ZNF487: variants seen among roughly 807,000 people sequenced by gnomAD.
The protein encoded by ZNF487 is zinc finger protein 487.
A neutral mutation model predicts 3.0 loss-of-function variants in ZNF487; 4 were observed. That is an observed-to-expected ratio of 1.35 (90% CI 0.66 to 3.08). The LOEUF (loss-of-function observed/expected upper bound fraction) is 3.08. Among genes scored for constraint, ZNF487 ranks in the 30% most tolerant of loss-of-function variants. The pLI, the probability that ZNF487 is intolerant of heterozygous loss-of-function variation, is 0.01. For missense variants in ZNF487, 146 were observed against 98.7 expected, an observed-to-expected ratio of 1.48 and a Z score of -2.03; for synonymous variants, 55 against 34.6, an observed-to-expected ratio of 1.59 and a Z score of -2.06.
At chr10:43,450,081 T>C (rs1375699070) in intron 1 of ZNF487, among the ~76,000 whole-genome samples, 1 of 152,210 alleles carries the variant, frequency 6.6e-6, no homozygotes, top group Non-Finnish European at 1.5e-5. Context: ...TTTGCTCTTT[T>C]TGCCCGGGCT....
chr10:43,503,108 T>C, the ZNF487 span, among the ~76,000 whole-genome samples: 2 of 151,440 alleles, frequency 1.3e-5, no homozygotes. Flanking sequence ...GGCACTGTTA[T>C]CATAGAGATG....
chr10:43,481,483 A>G lies in ZNF487; in HGVS notation c.185A>G (p.His62Arg). 1 of 717,312 alleles carries G rather than the reference A, an allele frequency of 1.4e-6. No individual in the cohort carries two copies. Among genetic ancestry groups the G allele is most frequent in the South Asian group, 1.5e-5 (1 of 67,496 alleles). 44.4% of individuals were successfully genotyped at this position (717,312 alleles called of 1,614,324 possible). A position where few individuals can be genotyped will look rare whatever the true frequency, so the allele number is the denominator to read the frequency against. The change falls in exon 4 of 4, where the codon CAT (histidine) becomes CGT (arginine). Residue 62 changes from histidine to arginine, a missense_variant. Coordinates refer to ENST00000437590, the MANE Select transcript of ZNF487 (RefSeq NM_001355444.3). Reference protein sequence around the residue: ...MEKRQENQDQHLQKVDFVNNK... With the variant: ...MEKRQENQDQRLQKVDFVNNK... ...AAGAGACAGGAAAATCAAGACCAGC[A>G]TTTGCAGAAAGTTGATTTTGTCAAC...
intron 1 of ZNF487, among the ~76,000 whole-genome samples, chr10:43,455,447 C>G (rs1056298830): frequency 6.6e-6 from 1 of 152,258 alleles, no homozygotes; most frequent in Non-Finnish European, 1.5e-5. Flanking sequence ...CGGGAGAATC[C>G]CTGCGCCGTG....
At chr10:43,458,720 A>G (rs1290344082) in intron 1 of ZNF487, among the ~76,000 whole-genome samples, 1 of 152,086 alleles carries the variant, frequency 6.6e-6, no homozygotes, top group Non-Finnish European at 1.5e-5. Flanking sequence ...ACCAGAAATC[A>G]GTGCAGTCTG....
At chr10:43,443,914 G>A (rs532223989) in intron 1 of ZNF487, among the ~76,000 whole-genome samples, 3 of 149,974 alleles carry the variant, frequency 2.0e-5, no homozygotes, top group South Asian at 2.1e-4. Flanking sequence ...GTGCAATGGC[G>A]TGATCTTGGC....
chr10:43,516,083 T>A, the ZNF487 span, among the ~76,000 whole-genome samples: 1 of 152,112 alleles, frequency 6.6e-6, no homozygotes, highest in African/African-American at 2.4e-5. Flanking sequence ...CCCAGCCTAG[T>A]TCATCATTTT....
the ZNF487 span, among the ~76,000 whole-genome samples, chr10:43,513,905 C>T: frequency 1.3e-5 from 2 of 152,084 alleles, no homozygotes; most frequent in African/African-American, 4.8e-5. Flanking sequence ...CAGCAGTCCC[C>T]GAAATGTCTG....
chr10:43,496,179 A>G, the ZNF487 span: 1 of 465,808 alleles, frequency 2.1e-6, no homozygotes, highest in Admixed American at 2.4e-5. Context: ...AATAGCATTC[A>G]TTTCTTTTTT....
At chr10:43,505,526 G>T in the ZNF487 span, among the ~76,000 whole-genome samples, 10 of 151,896 alleles carry the variant, frequency 6.6e-5, no homozygotes, top group Non-Finnish European at 1.5e-4. Flanking sequence ...CTTGTGATCT[G>T]CCCGCTTTGG....
chr10:43,509,192 CAA>C, the ZNF487 span, among the ~76,000 whole-genome samples: 168 of 130,314 alleles, frequency 1.3e-3, no homozygotes, highest in East Asian at 2.7e-3. Flanking sequence ...AGACTCTGTC[CAA>C]AAAAAAAAAA....
chr10:43,517,538 G>A, the ZNF487 span, among the ~76,000 whole-genome samples: 9 of 152,184 alleles, frequency 5.9e-5, no homozygotes, highest in Non-Finnish European at 1.5e-5. Flanking sequence ...TTGCCCATGA[G>A]CCCCTGACGC....
intron 1 of ZNF487, among the ~76,000 whole-genome samples, chr10:43,466,361 C>A (rs1840705632): frequency 6.6e-6 from 1 of 151,660 alleles, no homozygotes; most frequent in Non-Finnish European, 1.5e-5. Flanking sequence ...TTGTTTATAG[C>A]ATGGTTTACT....
chr10:43,522,871 C>T, the ZNF487 span, among the ~76,000 whole-genome samples: 2 of 152,182 alleles, frequency 1.3e-5, no homozygotes, highest in African/African-American at 4.8e-5. Flanking sequence ...TCTTTGCCGT[C>T]ACCCCTCAAA....
intron 1 of ZNF487, among the ~76,000 whole-genome samples, chr10:43,457,789 G>A (rs1000560959): frequency 2.0e-4 from 30 of 151,852 alleles, no homozygotes; most frequent in Admixed American, 3.9e-4. Flanking sequence ...TTGGGAGGCC[G>A]AGGCGGGCGG....
chr10:43,498,097 ATATTTTTTTTTTTTTTCTTTTTTTTTT>A, the ZNF487 span, among the ~76,000 whole-genome samples: 54 of 10,036 alleles, frequency 5.4e-3, no homozygotes, highest in Non-Finnish European at 8.3e-3. Flanking sequence ...ATATATATAT[ATATTTTTTTTTTTTTTCTTTTTTTTTT>A]TTTTTTTTTT....
At chr10:43,439,650 G>A (rs142519726) in intron 1 of ZNF487, among the ~76,000 whole-genome samples, 3,877 of 152,214 alleles carry the variant, frequency 0.025, 79 homozygotes, top group Non-Finnish European at 0.04. Flanking sequence ...GTTGCAGTGA[G>A]CCGAGATGGC....
At chr10:43,442,282 A>C (rs79684871) in intron 1 of ZNF487, among the ~76,000 whole-genome samples, 15 of 137,986 alleles carry the variant, frequency 1.1e-4, no homozygotes, top group South Asian at 5.4e-4. Context: ...AAAAAAACAA[A>C]GAAAAAAACT....
intron 1 of ZNF487, among the ~76,000 whole-genome samples, chr10:43,468,900 A>T (rs1245446421): frequency 9.7e-5 from 14 of 144,436 alleles, no homozygotes; most frequent in Non-Finnish European, 1.8e-4. Flanking sequence ...GAGGCAGGAG[A>T]ATGGTGTGAA....
At chr10:43,468,982 C>A (rs2132117381) in intron 1 of ZNF487, among the ~76,000 whole-genome samples, 1 of 83,084 alleles carries the variant, frequency 1.2e-5, no homozygotes, top group Admixed American at 2.0e-4. Context: ...GAGTGAGACT[C>A]TATCTCAAAA....
Sources: allele counts gnomAD v4.1 joint callset (sites outside exome capture counted in the v4.1 genomes callset), GRCh38; gene constraint gnomAD v4.1.1; transcripts MANE v1.5; gene names NCBI Gene and HGNC (gene_info 2026-07-23, HGNC 2026-07-21).